Variants in TMC1 observed in about 807,000 individuals in gnomAD.
TMC1 encodes the protein transmembrane channel like 1, also known as transmembrane channel-like protein 1.
TMC1 carries 84 observed loss-of-function variants against 105.8 expected under a neutral mutation model. That is an observed-to-expected ratio of 0.79 (90% confidence interval 0.67 to 0.95). The LOEUF (loss-of-function observed/expected upper bound fraction) is 0.95, where lower values mean the gene tolerates loss of function less well. Among genes scored for constraint, TMC1 ranks in the 40% least tolerant of loss-of-function variants. The pLI is 0.00. For synonymous variants in TMC1, 315 were observed against 311.5 expected, an observed-to-expected ratio of 1.01 and a Z score of -0.12; for missense variants, 817 against 914.1, an observed-to-expected ratio of 0.89 and a Z score of 1.37.
intron 1 of TMC1, among the ~76,000 whole-genome samples, chr9:72,545,127 G>GATAT (rs71493657): frequency 9.2e-4 from 130 of 141,674 alleles, no homozygotes; most frequent in Non-Finnish European, 1.4e-3. Flanking sequence ...AGTATTTCAT[G>GATAT]ATATATATAT....
At chr9:72,602,679 A>T (rs941531223) in intron 2 of TMC1, among the ~76,000 whole-genome samples, 1 of 152,012 alleles carries the variant, frequency 6.6e-6, no homozygotes, top group Non-Finnish European at 1.5e-5. Context: ...CCGGCCCCTT[A>T]TTGGTGTATT....
chr9:72,756,745 T>C (rs1182576531), intron 12 of TMC1, among the ~76,000 whole-genome samples: 1 of 152,214 alleles, frequency 6.6e-6, no homozygotes, highest in Non-Finnish European at 1.5e-5. Context: ...TATATAGATT[T>C]CTGAAGTTTA....
chr9:72,791,857 C>T (rs1202498366), intron 15 of TMC1, 29 bp from the exon 16 acceptor site: 2 of 1,592,282 alleles, frequency 1.3e-6, no homozygotes, highest in Non-Finnish European at 1.7e-6. Flanking sequence ...ACACCATTAA[C>T]CTAGTTTCTC....
intron 13 of TMC1, among the ~76,000 whole-genome samples, chr9:72,777,464 G>A (rs937504010): frequency 2.5e-4 from 38 of 152,140 alleles, no homozygotes; most frequent in South Asian, 6.2e-4. Flanking sequence ...TCAGACCCTA[G>A]AGAAAGTTAT....
chr9:72,811,450 T>C (rs560975170), intron 18 of TMC1, among the ~76,000 whole-genome samples: 1 of 152,288 alleles, frequency 6.6e-6, no homozygotes, highest in African/African-American at 2.4e-5. Flanking sequence ...AGTTTGTCCC[T>C]AGGAAGGATT....
intron 8 of TMC1, among the ~76,000 whole-genome samples, chr9:72,730,780 TG>T (rs1190684676): frequency 1.3e-5 from 2 of 152,212 alleles, no homozygotes; most frequent in Non-Finnish European, 2.9e-5. Context: ...CGATCCCATC[TG>T]GGGGTGATGG....
rs750768511 is a variant in TMC1 at position 72,793,089 on chromosome 9, C to T, written c.1566+737C>T. Among the ~76,000 whole-genome samples, 18 of 152,226 alleles carry T rather than the reference C, an allele frequency of 1.2e-4. No homozygotes were observed. In the South Asian group the frequency reaches 1.2e-3, roughly 11 times the overall value. Reference sequence around the variant, plus strand: ...ACCCACTCCACCTGGGCCTTCAGTCCGACACACAGAGCTATGTGGAGTCTC... The same window carrying T: ...ACCCACTCCACCTGGGCCTTCAGTCTGACACACAGAGCTATGTGGAGTCTC... On this transcript the variant is annotated intron_variant, in intron 17 of 23. Coordinates refer to ENST00000297784, the MANE Select transcript of TMC1 (RefSeq NM_138691.3).
At chr9:72,746,600 CA>C (rs1413894925) in intron 10 of TMC1, among the ~76,000 whole-genome samples, 1 of 152,110 alleles carries the variant, frequency 6.6e-6, no homozygotes, top group Non-Finnish European at 1.5e-5. Context: ...CCAAAATTAA[CA>C]GCCTTTACTG....
chr9:72,714,337 T>C (rs927176944), intron 8 of TMC1, among the ~76,000 whole-genome samples: 7 of 152,110 alleles, frequency 4.6e-5, no homozygotes, highest in African/African-American at 1.7e-4. Flanking sequence ...TTCTGTCTCG[T>C]TGATCTGTCT....
chr9:72,601,936 A>C (rs550496008), intron 2 of TMC1, among the ~76,000 whole-genome samples: 1 of 152,232 alleles, frequency 6.6e-6, no homozygotes, highest in Non-Finnish European at 1.5e-5. Flanking sequence ...CTAATGAGAC[A>C]TCTCAGGGAT....
At chr9:72,538,673 A>G (rs1319453240) in intron 1 of TMC1, among the ~76,000 whole-genome samples, 1 of 152,070 alleles carries the variant, frequency 6.6e-6, no homozygotes, top group Non-Finnish European at 1.5e-5. Context: ...TCTTGACCTC[A>G]AGTGATCTGC....
At chr9:72,834,928 ACCTGTTG>A (rs1209162061) in intron 23 of TMC1, among the ~76,000 whole-genome samples, 2 of 152,038 alleles carry the variant, frequency 1.3e-5, no homozygotes, top group African/African-American at 2.4e-5. Flanking sequence ...TTCCAGAGGT[ACCTGTTG>A]CTGCAAATTA....
chr9:72,645,879 G>T (rs1825703504), intron 4 of TMC1, among the ~76,000 whole-genome samples: 2 of 152,060 alleles, frequency 1.3e-5, no homozygotes, highest in Non-Finnish European at 2.9e-5. Context: ...AATTCCCAGG[G>T]TCTTCATTTC....
chr9:72,799,612 T>TA (rs1828436178), intron 17 of TMC1, among the ~76,000 whole-genome samples: 1 of 152,132 alleles, frequency 6.6e-6, no homozygotes, highest in East Asian at 1.9e-4. Flanking sequence ...ATATATGCTA[T>TA]TAATTTGATT....
intron 5 of TMC1, among the ~76,000 whole-genome samples, chr9:72,656,529 C>A (rs1034663325): frequency 1.3e-5 from 2 of 152,202 alleles, no homozygotes; most frequent in South Asian, 4.1e-4. Flanking sequence ...TTGGAGTATA[C>A]TTATAATAAT....
intron 17 of TMC1, among the ~76,000 whole-genome samples, chr9:72,794,635 T>G (rs1407072296): frequency 1.3e-5 from 2 of 152,176 alleles, no homozygotes; most frequent in Non-Finnish European, 2.9e-5. Flanking sequence ...CTGTATTCAA[T>G]CTACATTGCA....
intron 12 of TMC1, among the ~76,000 whole-genome samples, chr9:72,767,693 C>A (rs1219533047): frequency 6.6e-6 from 1 of 152,152 alleles, no homozygotes; most frequent in Non-Finnish European, 1.5e-5. Context: ...GAGCATGGCA[C>A]CCCAGAGTTG....
At chr9:72,538,060 G>A (rs564475242) in intron 1 of TMC1, among the ~76,000 whole-genome samples, 257 of 152,096 alleles carry the variant, frequency 1.7e-3, no homozygotes, top group African/African-American at 5.8e-3. Flanking sequence ...AGAGACTGGG[G>A]CAGGAGGATT....
At chr9:72,548,697 C>T (rs1823811874) in intron 1 of TMC1, among the ~76,000 whole-genome samples, 1 of 151,772 alleles carries the variant, frequency 6.6e-6, no homozygotes, top group Admixed American at 6.6e-5. Context: ...TGTCAAAAAG[C>T]AGACTTGTCG....
Sources: allele counts gnomAD v4.1 joint callset (sites outside exome capture counted in the v4.1 genomes callset), GRCh38; gene constraint gnomAD v4.1.1; transcripts MANE v1.5; gene names NCBI Gene and HGNC (gene_info 2026-07-23, HGNC 2026-07-21).